The following INSYN2B variants were observed in gnomAD, a reference collection of about 807,000 sequenced individuals.
INSYN2B encodes the protein inhibitory synaptic factor family member 2B, also known as protein INSYN2B.
Under a neutral mutation model 41.2 loss-of-function variants are expected in INSYN2B, and 16 were observed. The ratio of observed to expected loss-of-function variants is 0.39; its 90% CI spans 0.26 to 0.59. The LOEUF (loss-of-function observed/expected upper bound fraction) is 0.59. INSYN2B is among the 20% of genes least tolerant of loss of function. The pLI, the probability that INSYN2B is intolerant of heterozygous loss-of-function variation, is 0.57. For missense variants in INSYN2B, 608 were observed against 646.4 expected (o/e 0.94, Z 0.64); for synonymous variants, 245 against 244.4 (o/e 1.00, Z -0.02).
intron 3 of INSYN2B, among the ~76,000 whole-genome samples, chr5:169,879,188 C>G (rs1772496159): frequency 6.6e-6 from 1 of 152,180 alleles, no homozygotes; most frequent in South Asian, 2.1e-4. Flanking sequence ...GGCAATCCAT[C>G]ATGCGCTGGA....
At chr5:169,958,585 C>T (rs201553391) in intron 1 of INSYN2B, among the ~76,000 whole-genome samples, 2 of 150,986 alleles carry the variant, frequency 1.3e-5, no homozygotes, top group Admixed American at 6.6e-5. Context: ...TCCTGGGTTT[C>T]TTTTTTTTTG....
chr5:169,917,676 T>C (rs33368), intron 1 of INSYN2B, among the ~76,000 whole-genome samples: 53,563 of 151,896 alleles, frequency 0.35, 9,929 homozygotes, highest in East Asian at 0.53. Flanking sequence ...GAAAGAGAAA[T>C]GAAGGGGAGA....
rs1022976578 is a variant in INSYN2B, at chr5:169,861,674, T to G, written c.*2599A>C. 6.6e-6 allele frequency among the ~76,000 whole-genome samples: 1 copy of G among 152,186 alleles called. No individual in the cohort carries two copies. Among genetic ancestry groups the G allele is most frequent in the African/African-American group, 2.4e-5 (1 of 41,438 alleles). ...AAGCAGTGATTTTCACATGAATAAG[T>G]GAGTATGCAGTTTTGGTATATGTGT... On this transcript the variant is annotated 3_prime_UTR_variant, in exon 4 of 4. Transcript: ENST00000377365.
intron 1 of INSYN2B, among the ~76,000 whole-genome samples, chr5:169,961,204 A>G (rs1347267183): frequency 2.0e-5 from 3 of 152,248 alleles, no homozygotes; most frequent in Non-Finnish European, 4.4e-5. Context: ...GTAGCCCCCC[A>G]AGGGCAATTA....
At chr5:169,958,681 C>G (rs1776961460) in intron 1 of INSYN2B, among the ~76,000 whole-genome samples, 1 of 151,850 alleles carries the variant, frequency 6.6e-6, no homozygotes, top group African/African-American at 2.4e-5. Flanking sequence ...GTGGAGCTCT[C>G]TTGAAGATGG....
intron 1 of INSYN2B, among the ~76,000 whole-genome samples, chr5:169,912,260 G>C (rs1412918752): frequency 6.6e-6 from 1 of 151,992 alleles, no homozygotes; most frequent in Non-Finnish European, 1.5e-5. Flanking sequence ...GGGTCTCACT[G>C]TGTTGCCCAG....
chr5:169,977,214 C>A (rs1777747202), intron 1 of INSYN2B, among the ~76,000 whole-genome samples: 1 of 152,218 alleles, frequency 6.6e-6, no homozygotes, highest in Admixed American at 6.5e-5. Flanking sequence ...ACACACTGGA[C>A]TTACTGAACA....
chr5:169,968,321 TA>T (rs1777375919), intron 1 of INSYN2B, among the ~76,000 whole-genome samples: 1 of 152,180 alleles, frequency 6.6e-6, no homozygotes, highest in Non-Finnish European at 1.5e-5. Context: ...GCAGTCCTTT[TA>T]ACCTCTTTGA....
chr5:169,901,887 A>G (rs945658885), intron 1 of INSYN2B, among the ~76,000 whole-genome samples: 36 of 152,186 alleles, frequency 2.4e-4, no homozygotes, highest in African/African-American at 8.4e-4. Context: ...CTTCCTCTGC[A>G]TGGTGGCCGC....
intron 3 of INSYN2B, 54 bp from the exon 4 acceptor site, chr5:169,864,513 A>AT: frequency 7.5e-7 from 1 of 1,338,634 alleles, no homozygotes; most frequent in Non-Finnish European, 1.0e-6. Context: ...GCACAGACTG[A>AT]TTAAGCATCT....
At chr5:169,945,616 A>G (rs190685757) in intron 1 of INSYN2B, among the ~76,000 whole-genome samples, 71 of 152,344 alleles carry the variant, frequency 4.7e-4, no homozygotes, top group Non-Finnish European at 6.8e-4. Flanking sequence ...CCCAGAGCTC[A>G]CAGCTACTAA....
chr5:169,978,398 G>C (rs1431284927), intron 1 of INSYN2B, among the ~76,000 whole-genome samples: 2 of 141,232 alleles, frequency 1.4e-5, no homozygotes, highest in Middle Eastern at 3.5e-3. Context: ...TGTGTGGGGG[G>C]GGGGGGGTGT....
chr5:169,872,935 G>T (rs1315248789), intron 3 of INSYN2B, among the ~76,000 whole-genome samples: 2 of 152,282 alleles, frequency 1.3e-5, no homozygotes, highest in East Asian at 3.9e-4. Flanking sequence ...ATAGTGTTGG[G>T]CAAAATGCCT....
intron 1 of INSYN2B, among the ~76,000 whole-genome samples, chr5:169,964,547 G>A (rs979114810): frequency 7.2e-5 from 11 of 152,350 alleles, no homozygotes; most frequent in Admixed American, 3.3e-4. Context: ...CAGCATCTCC[G>A]CCTGGAGGGC....
rs76711383 is a variant in INSYN2B at position 169,917,531 on chromosome 5, T to G, written c.-918-32715A>C. 7.6e-3 allele frequency among the ~76,000 whole-genome samples: 1,160 copies of G among 152,292 alleles called. 14 individuals carry two copies. The highest frequency in any genetic ancestry group is 0.024 in the African/African-American group (1,000 of 41,564). On this transcript the variant is annotated intron_variant, in intron 1 of 3. Coordinates refer to ENST00000377365, the MANE Select transcript of INSYN2B (RefSeq NM_001129891.3). Reference sequence around the variant, plus strand: ...ATAGCTGAGGCTCTGTGGAAGACCTTTGACTTCCCATCAAGAGAAGTGTAG... The same window carrying G: ...ATAGCTGAGGCTCTGTGGAAGACCTGTGACTTCCCATCAAGAGAAGTGTAG...
chr5:169,890,343 C>T (rs938393625), intron 1 of INSYN2B, among the ~76,000 whole-genome samples: 2 of 152,182 alleles, frequency 1.3e-5, no homozygotes, highest in Non-Finnish European at 2.9e-5. Context: ...TGATCATTCA[C>T]CTCTGGGCCT....
At position 169,980,310 on chromosome 5, in the gene INSYN2B, C is replaced by T. The variant is rs1033191729; in HGVS notation, c.-952G>A. ...AGTGGAATTACCTGCAGAGGATGGTCCCCCTTCCTTGCACAATGAGCCAGG... is the reference window on the plus strand; with the variant it reads ...AGTGGAATTACCTGCAGAGGATGGTTCCCCTTCCTTGCACAATGAGCCAGG... On this transcript the variant is annotated 5_prime_UTR_variant, in exon 1 of 4. Transcript: ENST00000377365. 2.0e-5 allele frequency: 3 copies of T among 152,204 alleles called. No individual in the cohort carries two copies. Among genetic ancestry groups the T allele is most frequent in the Non-Finnish European group, 4.4e-5 (3 of 68,038 alleles). The allele number at this position is 152,204 out of a possible 1,614,324, so 9.4% of individuals were successfully genotyped here. A position where few individuals can be genotyped will look rare whatever the true frequency, so the allele number is the denominator to read the frequency against.
rs140165040 is a variant in INSYN2B, at chr5:169,900,265, A to C, written c.-918-15449T>G. ...CCTAACCTGTTGGGACCTTTAGACA[A>C]CCCTAACCTGTTGTCCCCTGATGGA... On this transcript the variant is annotated intron_variant, in intron 1 of 3. Transcript: ENST00000377365. 4.0e-3 allele frequency among the ~76,000 whole-genome samples: 606 copies of C among 152,172 alleles called. 6 individuals are homozygous for C. The highest frequency in any genetic ancestry group is 0.014 in the African/African-American group (573 of 41,512).
intron 1 of INSYN2B, among the ~76,000 whole-genome samples, chr5:169,970,701 A>G (rs1472742721): frequency 2.6e-5 from 4 of 152,354 alleles, no homozygotes; most frequent in Admixed American, 6.5e-5. Context: ...TGGCCCTGCC[A>G]GGGTGAAATA....
Sources: gnomAD v4.1 joint callset for allele counts (sites outside exome capture counted in the v4.1 genomes callset) on GRCh38, gnomAD v4.1.1 for gene constraint, MANE v1.5 for transcripts, NCBI Gene and HGNC (gene_info 2026-07-23, HGNC 2026-07-21) for gene names.